Variants in MYO1E observed in about 807,000 individuals in gnomAD.
The protein encoded by MYO1E is unconventional myosin-Ie.
In MYO1E, 68 loss-of-function variants were observed where a neutral mutation model predicts 151.1. The ratio of observed to expected loss-of-function variants is 0.45; its 90% confidence interval spans 0.37 to 0.55. The LOEUF (loss-of-function observed/expected upper bound fraction) is 0.55, where lower values mean the gene tolerates loss of function less well. MYO1E is among the 20% of genes least tolerant of loss of function. The probability of loss-of-function intolerance (pLI) is 0.00; values close to 1 mark genes in which losing one functional copy is unlikely to be tolerated. For missense variants in MYO1E, 1,363 were observed against 1,389.3 expected, an observed-to-expected ratio of 0.98 and a Z score of 0.30; for synonymous variants, 601 against 501.7, an observed-to-expected ratio of 1.20 and a Z score of -2.64.
At position 59,227,594 on chromosome 15, in the gene MYO1E, C is replaced by A; in HGVS notation, c.511-4G>T. On this transcript the variant is annotated splice_polypyrimidine_tract_variant and splice_region_variant and intron_variant, in intron 6 of 27. Coordinates refer to ENST00000288235, the MANE Select transcript of MYO1E (RefSeq NM_004998.4). ...ACTGGATTTCAAAGTATTTTCCCTG[C>A]AAGAAAGTTAGGGATTTCCTTCAAT... The A allele has an allele frequency of 6.2e-7, 1 of 1,614,082 alleles. No homozygotes were observed. The highest frequency in any genetic ancestry group is 8.5e-7 in the Non-Finnish European group (1 of 1,179,980).
At chr15:59,345,322 C>T (rs2080788282) in intron 1 of MYO1E, among the ~76,000 whole-genome samples, 1 of 151,918 alleles carries the variant, frequency 6.6e-6, no homozygotes, top group African/African-American at 2.4e-5. Context: ...GCAAAGGTAT[C>T]AGGACTGAGA....
chr15:59,304,640 C>T (rs1246045662), intron 1 of MYO1E, among the ~76,000 whole-genome samples: 1 of 152,128 alleles, frequency 6.6e-6, no homozygotes, highest in Non-Finnish European at 1.5e-5. Context: ...GGGGGCTCTG[C>T]TGAAACTATG....
intron 26 of MYO1E, among the ~76,000 whole-genome samples, chr15:59,139,013 G>C (rs950187091): frequency 1.3e-5 from 2 of 152,088 alleles, no homozygotes; most frequent in African/African-American, 4.8e-5. Flanking sequence ...GAGTGAGTGT[G>C]TCACAGTTTA....
At chr15:59,305,716 T>C (rs1482273023) in intron 1 of MYO1E, among the ~76,000 whole-genome samples, 2 of 152,212 alleles carry the variant, frequency 1.3e-5, no homozygotes, top group African/African-American at 2.4e-5. Context: ...GTGCTTCCTT[T>C]CCTTGAGTTA....
chr15:59,201,466 G>T (rs960759142), intron 16 of MYO1E, among the ~76,000 whole-genome samples: 1 of 147,530 alleles, frequency 6.8e-6, no homozygotes, highest in Non-Finnish European at 1.5e-5. Context: ...GTGCAATCGC[G>T]CAATCTTGGC....
At chr15:59,156,473 C>T (rs1426471827) in intron 25 of MYO1E, among the ~76,000 whole-genome samples, 2 of 152,226 alleles carry the variant, frequency 1.3e-5, no homozygotes, top group Non-Finnish European at 2.9e-5. Flanking sequence ...GCATGAGCCA[C>T]TGCGCCTGGC....
chr15:59,244,995 C>T (rs2080121249), intron 4 of MYO1E, among the ~76,000 whole-genome samples: 1 of 152,206 alleles, frequency 6.6e-6, no homozygotes, highest in African/African-American at 2.4e-5. Flanking sequence ...GGCCCTTGCT[C>T]TTCAGATTTA....
chr15:59,294,528 T>C (rs1251648479), intron 1 of MYO1E, among the ~76,000 whole-genome samples: 1 of 152,224 alleles, frequency 6.6e-6, no homozygotes, highest in Non-Finnish European at 1.5e-5. Context: ...TCATGCCATA[T>C]ACCACAAAAT....
intron 1 of MYO1E, among the ~76,000 whole-genome samples, chr15:59,371,600 A>G (rs926366722): frequency 6.6e-6 from 1 of 152,140 alleles, no homozygotes; most frequent in Non-Finnish European, 1.5e-5. Context: ...CAGAAAAGTC[A>G]CAAGTCAAAG....
At chr15:59,151,857 C>T (rs538531255) in intron 26 of MYO1E, among the ~76,000 whole-genome samples, 2 of 151,878 alleles carry the variant, frequency 1.3e-5, no homozygotes, top group African/African-American at 2.4e-5. Context: ...ACCATCCTGG[C>T]CAACACAGTG....
chr15:59,308,316 G>A (rs1156964762), intron 1 of MYO1E, among the ~76,000 whole-genome samples: 6 of 143,126 alleles, frequency 4.2e-5, no homozygotes, highest in Non-Finnish European at 6.1e-5. Flanking sequence ...GGGGCAGATC[G>A]CCTGAGGTCA....
chr15:59,365,038 TTTTTTC>T (rs2080905363), intron 1 of MYO1E, among the ~76,000 whole-genome samples: 1 of 138,678 alleles, frequency 7.2e-6, no homozygotes, highest in South Asian at 2.5e-4. Context: ...TTTTCTTTTT[TTTTTTC>T]TTTTTTGAGA....
At chr15:59,172,242 A>G (rs1310280290) in intron 21 of MYO1E, among the ~76,000 whole-genome samples, 200 bp from the exon 22 acceptor site, 1 of 152,156 alleles carries the variant, frequency 6.6e-6, no homozygotes, top group Non-Finnish European at 1.5e-5. Context: ...CTGCAATCCC[A>G]GCTACTTGGG....
intron 1 of MYO1E, among the ~76,000 whole-genome samples, chr15:59,312,396 C>T (rs778496543): frequency 1.3e-5 from 2 of 152,152 alleles, no homozygotes; most frequent in Non-Finnish European, 2.9e-5. Context: ...AAGCAGAGGA[C>T]TCAGCCACTG....
At chr15:59,174,288 C>G (rs759466870) in intron 19 of MYO1E, 48 bp from the exon 20 acceptor site, 1 of 1,320,862 alleles carries the variant, frequency 7.6e-7, no homozygotes. Flanking sequence ...AAGCCCCAAT[C>G]CCTGAACAAC....
At chr15:59,150,907 T>G (rs74807660) in intron 26 of MYO1E, among the ~76,000 whole-genome samples, 1,636 of 152,088 alleles carry the variant, frequency 0.011, 26 homozygotes, top group Middle Eastern at 0.044. Flanking sequence ...GTTTGAGAAC[T>G]ACTGGTTTAG....
intron 1 of MYO1E, among the ~76,000 whole-genome samples, chr15:59,278,251 T>A (rs1429841105): frequency 6.6e-6 from 1 of 152,208 alleles, no homozygotes; most frequent in Non-Finnish European, 1.5e-5. Context: ...AACCTGGGAC[T>A]AGAATGCCCC....
chr15:59,232,512 A>G (rs2080034692), intron 5 of MYO1E, among the ~76,000 whole-genome samples: 1 of 152,242 alleles, frequency 6.6e-6, no homozygotes, highest in Non-Finnish European at 1.5e-5. Flanking sequence ...TCCCAGTTCT[A>G]TGCAGAAGTG....
At chr15:59,271,164 C>T (rs2080286782) in intron 2 of MYO1E, 1 of 152,158 alleles carries the variant, frequency 6.6e-6, no homozygotes, top group Non-Finnish European at 1.5e-5. Context: ...ACCCGACCCC[C>T]CACGACTTAC....
Sources: allele counts gnomAD v4.1 joint callset (sites outside exome capture counted in the v4.1 genomes callset), GRCh38; gene constraint gnomAD v4.1.1; transcripts MANE v1.5; gene names NCBI Gene and HGNC (gene_info 2026-07-23, HGNC 2026-07-21).